SLX4: variants seen among roughly 807,000 people sequenced by gnomAD.
SLX4 encodes the protein SLX4 structure-specific endonuclease subunit.
Under a neutral mutation model 146.2 loss-of-function variants are expected in SLX4, and 112 were observed. The ratio of observed to expected loss-of-function variants is 0.77; its 90% CI spans 0.66 to 0.90. The LOEUF is 0.90. Among genes scored for constraint, SLX4 ranks in the 40% least tolerant of loss-of-function variants. SLX4 has a pLI of 0.00. For synonymous variants in SLX4, 1,061 were observed against 997.7 expected, an observed-to-expected ratio of 1.06 and a Z score of -1.20; for missense variants, 2,563 against 2,392.7, an observed-to-expected ratio of 1.07 and a Z score of -1.49.
chr16:3,584,949 A>G (rs1323546285), intron 12 of SLX4, 78 bp from the exon 13 acceptor site: 1 of 1,040,358 alleles, frequency 9.6e-7, no homozygotes, highest in African/African-American at 1.6e-5. Context: ...AGCGTGACCA[A>G]GAGGAATAAT....
intron 3 of SLX4, among the ~76,000 whole-genome samples, chr16:3,604,274 T>C (rs992366554): frequency 6.6e-6 from 1 of 150,720 alleles, no homozygotes; most frequent in Non-Finnish European, 1.5e-5. Context: ...GGGGGACTAT[T>C]CTAGAATCTA....
intron 13 of SLX4, among the ~76,000 whole-genome samples, chr16:3,583,943 G>C (rs2040475238): frequency 6.6e-6 from 1 of 152,032 alleles, no homozygotes; most frequent in Admixed American, 6.5e-5. Flanking sequence ...AGGCTACAGT[G>C]AGCCAAGATC....
intron 4 of SLX4, chr16:3,601,396 G>A (rs2040726188): frequency 3.3e-6 from 2 of 611,694 alleles, no homozygotes; most frequent in African/African-American, 3.7e-5. Context: ...GCTAAAGAAA[G>A]CAAGGAAAGA....
At position 3,597,999 on chromosome 16, in the gene SLX4, G is replaced by A. The variant is rs764619389; in HGVS notation, c.1164C>T (p.Ser388=). ...PEGSSSPPMF[S]FSDHSRGLKR... The stretch of plus-strand genomic sequence containing the variant: ...TCAGACCTCTACTGTGATCACTGAA[G>A]CTAGAAAACAGCCAAAGAGAAAAGT... Residue 388 remains serine, a splice_region_variant and synonymous_variant, in exon 6 of 15, where the codon AGC becomes AGT. Transcript: ENST00000294008. This position sits in a 1 kb window ranked among gnomAD's most constrained non-coding sequence, Gnocchi z 4.4. 6.2e-7 allele frequency: 1 copy of A among 1,614,160 alleles called. No individual in the cohort carries two copies. The highest frequency in any genetic ancestry group is 8.5e-7 in the Non-Finnish European group (1 of 1,180,036).
chr16:3,601,587 T>A, intron 4 of SLX4: 1 of 334,954 alleles, frequency 3.0e-6, no homozygotes, highest in South Asian at 2.6e-5. Context: ...CATGGTCATA[T>A]TCCTCATCTA....
intron 12 of SLX4, among the ~76,000 whole-genome samples, chr16:3,588,531 C>G (rs189992920): frequency 6.6e-6 from 1 of 152,304 alleles, no homozygotes; most frequent in East Asian, 1.9e-4. Context: ...TTGTGAACAG[C>G]GCTTCTATGA....
chr16:3,601,029 C>A lies in SLX4; in HGVS notation c.1113G>T (p.Val371=), dbSNP rs748549202. 6.2e-7 allele frequency: 1 copy of A among 1,613,980 alleles called. No individual in the cohort carries two copies. Among genetic ancestry groups the A allele is most frequent in the South Asian group, 1.1e-5 (1 of 91,086 alleles). Residue 371 remains valine, a synonymous_variant, in exon 5 of 15, where the codon GTG becomes GTT. Coordinates refer to ENST00000294008, the MANE Select transcript of SLX4 (RefSeq NM_032444.4). The part of the protein sequence containing the change: ...EVGPQLLLQA[V]RLQTAQPEGS... ...CCTCAGGCTGTGCTGTCTGCAGCCG[C>A]ACAGCCTGAAGCAGGAGCTGGGGGC... is the stretch of plus-strand genomic sequence containing the variant.
chr16:3,595,822 C>G, intron 8 of SLX4, 129 bp from the exon 9 acceptor site: 2 of 1,106,962 alleles, frequency 1.8e-6, no homozygotes, highest in South Asian at 2.7e-5. Flanking sequence ...TCCGAGGACA[C>G]CTTCATGCAA....
chr16:3,585,705 G>C (rs930825543), intron 12 of SLX4, among the ~76,000 whole-genome samples: 35 of 149,116 alleles, frequency 2.3e-4, no homozygotes, highest in African/African-American at 6.2e-4. Flanking sequence ...GGAAATGCAA[G>C]TCAAAACCAC....
In SLX4 at chr16:3,583,500, G is replaced by A. The variant is rs560866356; in HGVS notation, c.4750C>T (p.Arg1584Cys). 61 of 1,614,084 alleles carry A rather than the reference G, an allele frequency of 3.8e-5. No individual in the cohort carries two copies. The highest frequency in any genetic ancestry group is 2.3e-4 in the African/African-American group (17 of 75,030). ...LKKELDRFGV[R>C]PLPKRQMVLK... ...ACCATCTGGCGTTTAGGCAGAGGGC[G>A]GACTCCAAACCTGACGGAGGAACAG... Residue 1584 changes from arginine to cysteine, a missense_variant, in exon 14 of 15, where the codon CGC becomes TGC. Transcript: ENST00000294008.
rs2040671273 is a variant in SLX4 at position 3,597,267 on chromosome 16, G to C, written c.1683+112C>G. 1 of 1,283,052 alleles carries C rather than the reference G, an allele frequency of 7.8e-7. No individual in the cohort carries two copies. The highest frequency in any genetic ancestry group is 1.0e-6 in the Non-Finnish European group (1 of 952,930). 79.5% of individuals were successfully genotyped at this position (1,283,052 alleles called of 1,614,324 possible). On this transcript the variant is annotated intron_variant, in intron 7 of 14. Coordinates refer to ENST00000294008, the MANE Select transcript of SLX4 (RefSeq NM_032444.4). This position sits in a 1 kb window ranked among gnomAD's most constrained non-coding sequence, Gnocchi z 4.4. ...GCCCCTCTGGCCTCCTCCCGCCTCT[G>C]CCTTTCCTTCCTGGACTTTCCATCA...
intron 2 of SLX4, among the ~76,000 whole-genome samples, 169 bp from the exon 3 acceptor site, chr16:3,606,867 T>C (rs2040791664): frequency 1.3e-5 from 2 of 152,212 alleles, no homozygotes; most frequent in African/African-American, 4.8e-5. Context: ...TCTTTGTTTA[T>C]GGCAATATAG....
chr16:3,605,079 C>T (rs948374494), intron 3 of SLX4, among the ~76,000 whole-genome samples: 3 of 151,480 alleles, frequency 2.0e-5, no homozygotes, highest in East Asian at 2.0e-4. Context: ...CACCATCATG[C>T]CCAGCTAATT....
intron 5 of SLX4, among the ~76,000 whole-genome samples, chr16:3,599,310 C>A (rs1479459659): frequency 6.6e-6 from 1 of 152,188 alleles, no homozygotes; most frequent in Non-Finnish European, 1.5e-5. Context: ...TCGCCTTTGG[C>A]CTTCCCTTTG....
At position 3,594,522 on chromosome 16, in the gene SLX4, C is replaced by A; in HGVS notation, c.2091G>T (p.Thr697=). 6.2e-7 allele frequency: 1 copy of A among 1,614,098 alleles called. No homozygotes were observed. The highest frequency in any genetic ancestry group is 8.5e-7 in the Non-Finnish European group (1 of 1,179,998). ...GGGCGTAAAGCACCTCCCCGCTGTC[C>A]GTCTGAAACTGGACATCACTCAGGT... The part of the protein sequence containing the change: ...NPHLSDVQFQ[T]DSGEVLYAHK... The change falls in exon 10 of 15, where the codon ACG becomes ACT. Residue 697 remains threonine, a synonymous_variant. Transcript: ENST00000294008.
rs2151121602 is a variant in SLX4 at position 3,589,332 on chromosome 16, T to C, written c.4306A>G (p.Ile1436Val). The C allele has an allele frequency of 1.9e-6, 3 of 1,577,742 alleles. No individual in the cohort carries two copies. Among genetic ancestry groups the C allele is most frequent in the Non-Finnish European group, 8.6e-7 (1 of 1,160,300 alleles). Reference sequence around the variant, plus strand: ...TCCAGGTTCCAGTGGTCAATGGGAATTGGCGAGAGGGGCTCCATGTGCCAG... The same window carrying C: ...TCCAGGTTCCAGTGGTCAATGGGAACTGGCGAGAGGGGCTCCATGTGCCAG... The part of the protein sequence containing the change: ...CCWHMEPLSP[I>V]PIDHWNLERT... The change falls in exon 12 of 15, where the codon ATT becomes GTT. Residue 1436 changes from isoleucine (I) to valine (V), a missense_variant. Physicochemically the swap from Ile to Val is conservative, Grantham distance 29. Coordinates refer to ENST00000294008, the MANE Select transcript of SLX4 (RefSeq NM_032444.4). The surrounding 1 kb of genome is among the most constrained non-coding windows in gnomAD (Gnocchi z 6.2).
At chr16:3,600,591 C>CTTTTTTTTTTTT (rs974875930) in intron 5 of SLX4, 1 of 102,492 alleles carries the variant, frequency 9.8e-6, no homozygotes, top group African/African-American at 6.2e-5. Context: ...CTATAAAAAG[C>CTTTTTTTTTTTT]TTTTTTTTTT....
Position 3,588,946 on chromosome 16 carries a change from T to G in SLX4, c.4636+56A>C, listed in dbSNP as rs911260134. The G allele has an allele frequency of 1.9e-6, 3 of 1,608,312 alleles. No homozygotes were observed. In the Admixed American group the frequency reaches 5.0e-5, roughly 27 times the overall value. On this transcript the variant is annotated intron_variant, in intron 12 of 14. Coordinates refer to ENST00000294008, the MANE Select transcript of SLX4 (RefSeq NM_032444.4). ...TCTCATGACTGATCTTCCCACCCTC[T>G]TAGTGTAAAATAGTAACAAAGACAG...
At position 3,582,511 on chromosome 16, in the gene SLX4, C is replaced by T. The variant is rs780261532; in HGVS notation, c.5336G>A (p.Arg1779Gln). Residue 1779 changes from arginine to glutamine, a missense_variant, in exon 15 of 15, where the codon CGG becomes CAG. By Grantham distance (43) the Arg-to-Gln change is conservative. Transcript: ENST00000294008. ...CTGCCTCAGCTCTGCCTGCAGCTCC[C>T]GCAGCTCAAAGGGCTGGTACAGCAG... ...KVLLYQPFELRELQAELRQNG... is the reference protein window; with the variant it reads ...KVLLYQPFELQELQAELRQNG... 2.9e-5 allele frequency: 46 copies of T among 1,613,940 alleles called. No individual in the cohort carries two copies. The East Asian group carries it at 4.7e-4, about 16-fold the overall frequency.
Sources: gnomAD v4.1 joint callset for allele counts (sites outside exome capture counted in the v4.1 genomes callset) on GRCh38, gnomAD v4.1.1 for gene constraint, Gnocchi (gnomAD v3.1) non-coding constraint, MANE v1.5 for transcripts, NCBI Gene and HGNC (gene_info 2026-07-23, HGNC 2026-07-21) for gene names.